The following JAK2 variants were observed in gnomAD, a reference collection of about 807,000 sequenced individuals.
JAK2 encodes tyrosine-protein kinase JAK2.
JAK2 carries 86 observed loss-of-function variants against 139.3 expected under a neutral mutation model. That is an observed-to-expected ratio of 0.62 (90% confidence interval 0.52 to 0.74). The LOEUF is 0.74. Among genes scored for constraint, JAK2 ranks in the 30% least tolerant of loss-of-function variants. The probability of loss-of-function intolerance (pLI) is 0.00; values close to 1 mark genes in which losing one functional copy is unlikely to be tolerated. For missense variants in JAK2, 1,421 were observed against 1,360.3 expected (o/e 1.04, Z -0.70); for synonymous variants, 490 against 437.7 (o/e 1.12, Z -1.49).
At chr9:5,085,142 C>A (rs1296954026) in intron 19 of JAK2, 1 of 647,128 alleles carries the variant, frequency 1.5e-6, no homozygotes, top group East Asian at 3.6e-5. Flanking sequence ...CTCTGTAATA[C>A]ATACTGTGGA....
At chr9:5,115,941 A>T (rs1323944113) in intron 22 of JAK2, among the ~76,000 whole-genome samples, 1 of 152,182 alleles carries the variant, frequency 6.6e-6, no homozygotes, top group East Asian at 1.9e-4. Context: ...TAGCTTTAAG[A>T]GAAATACCTA....
chr9:5,124,629 G>C (rs1823855488), intron 23 of JAK2, among the ~76,000 whole-genome samples: 1 of 151,804 alleles, frequency 6.6e-6, no homozygotes, highest in Non-Finnish European at 1.5e-5. Flanking sequence ...AACAAAGCTG[G>C]AAGCATCACA....
At chr9:5,064,730 G>A (rs1818446096) in intron 8 of JAK2, among the ~76,000 whole-genome samples, 153 bp from the exon 9 acceptor site, 1 of 152,150 alleles carries the variant, frequency 6.6e-6, no homozygotes, top group Non-Finnish European at 1.5e-5. Flanking sequence ...TATCAGACAT[G>A]AGAATTTGTA....
At position 5,129,147 on chromosome 9, in the gene JAK2, G is replaced by GAGTT. The variant is rs1300533342; in HGVS notation, c.*2359_*2362dup. On this transcript the variant is annotated 3_prime_UTR_variant, in exon 25 of 25. Transcript: ENST00000381652. ...AAATTTTATTTAAACAGCTACAAAA[G>GAGTT]AGTTAGCAAATACCTACAGTTCTGT... Among the ~76,000 whole-genome samples the GAGTT allele has an allele frequency of 1.3e-5, 2 of 151,988 alleles. No homozygotes were observed. Among genetic ancestry groups the GAGTT allele is most frequent in the African/African-American group, 4.8e-5 (2 of 41,430 alleles).
chr9:5,045,231 C>G (rs1359350214), intron 5 of JAK2, among the ~76,000 whole-genome samples: 1 of 151,950 alleles, frequency 6.6e-6, no homozygotes, highest in Non-Finnish European at 1.5e-5. Flanking sequence ...CTTGGTATCC[C>G]CAAGGTATCA....
intron 8 of JAK2, among the ~76,000 whole-genome samples, chr9:5,058,421 T>A (rs1817921384): frequency 6.6e-6 from 1 of 152,130 alleles, no homozygotes; most frequent in Non-Finnish European, 1.5e-5. Context: ...TCAGATCTCA[T>A]GAGAACTCCC....
intron 19 of JAK2, among the ~76,000 whole-genome samples, chr9:5,086,931 C>G (rs1586764721): frequency 6.6e-6 from 1 of 152,120 alleles, no homozygotes; most frequent in Non-Finnish European, 1.5e-5. Context: ...TATATCACCC[C>G]CCCTTCCCTT....
chr9:5,019,747 G>A (rs1196056394), intron 2 of JAK2, among the ~76,000 whole-genome samples: 7 of 152,138 alleles, frequency 4.6e-5, no homozygotes, highest in Non-Finnish European at 1.0e-4. Context: ...GGCACTTTGG[G>A]TTTGAATCTG....
intron 13 of JAK2, 26 bp downstream of exon 13, chr9:5,072,652 T>G (rs1019021691): frequency 1.3e-6 from 2 of 1,538,606 alleles, no homozygotes; most frequent in Non-Finnish European, 8.8e-7. Flanking sequence ...ATATTGTTCA[T>G]GTAGTTTATG....
At chr9:5,032,951 C>G (rs532725417) in intron 4 of JAK2, among the ~76,000 whole-genome samples, 98 of 152,178 alleles carry the variant, frequency 6.4e-4, no homozygotes, top group Middle Eastern at 3.4e-3. Context: ...CTACTCCAAG[C>G]TAAAGGAGGA....
intron 19 of JAK2, among the ~76,000 whole-genome samples, chr9:5,082,656 G>T (rs1333994662): frequency 6.6e-6 from 1 of 152,224 alleles, no homozygotes. Context: ...ATCACATGGG[G>T]AGAAACCTTG....
intron 22 of JAK2, chr9:5,109,018 C>G (rs1170850177): frequency 6.6e-6 from 1 of 152,088 alleles, no homozygotes; most frequent in African/African-American, 2.4e-5. Flanking sequence ...TCTCACTAAT[C>G]TTGCCTTACC....
intron 2 of JAK2, among the ~76,000 whole-genome samples, chr9:5,016,755 C>G (rs1049337270): frequency 2.0e-5 from 3 of 152,162 alleles, no homozygotes; most frequent in African/African-American, 4.8e-5. Context: ...TGCCCTCCCA[C>G]TATCCCAACC....
chr9:5,024,608 A>T (rs1323777934), intron 3 of JAK2, among the ~76,000 whole-genome samples: 1 of 152,052 alleles, frequency 6.6e-6, no homozygotes, highest in Non-Finnish European at 1.5e-5. Context: ...CAGTGCTGTC[A>T]TTTCCCAAAT....
At chr9:5,064,096 C>T (rs1818391216) in intron 8 of JAK2, among the ~76,000 whole-genome samples, 1 of 152,142 alleles carries the variant, frequency 6.6e-6, no homozygotes, top group African/African-American at 2.4e-5. Context: ...GCAGAAGTTG[C>T]AGTGAGCCAA....
At chr9:5,066,272 C>T (rs529863439) in intron 9 of JAK2, among the ~76,000 whole-genome samples, 16 of 152,130 alleles carry the variant, frequency 1.1e-4, no homozygotes, top group Admixed American at 2.6e-4. Flanking sequence ...ATCATGCATT[C>T]AGATTTTTAT....
intron 22 of JAK2, among the ~76,000 whole-genome samples, chr9:5,105,554 G>C (rs1224234650): frequency 6.6e-6 from 1 of 152,142 alleles, no homozygotes; most frequent in African/African-American, 2.4e-5. Flanking sequence ...CATAGAACTG[G>C]AAACAACTAC....
At chr9:5,093,735 A>G (rs1586779377) in intron 22 of JAK2, among the ~76,000 whole-genome samples, 1 of 152,292 alleles carries the variant, frequency 6.6e-6, no homozygotes, top group African/African-American at 2.4e-5. Flanking sequence ...TACCCTAGGG[A>G]TAACAGTGCA....
chr9:5,025,376 T>G (rs920593533), intron 3 of JAK2, among the ~76,000 whole-genome samples: 1 of 152,228 alleles, frequency 6.6e-6, no homozygotes, highest in Non-Finnish European at 1.5e-5. Context: ...GAATTGTCTT[T>G]CATGTTTGGT....
Sources: gnomAD v4.1 joint callset for allele counts (sites outside exome capture counted in the v4.1 genomes callset) on GRCh38, gnomAD v4.1.1 for gene constraint, MANE v1.5 for transcripts, NCBI Gene and HGNC (gene_info 2026-07-23, HGNC 2026-07-21) for gene names.